Variants in CLVS1 observed in about 807,000 individuals in gnomAD.
CLVS1 encodes the protein clavesin-1.
CLVS1 carries 10 observed loss-of-function variants against 33.1 expected under a neutral mutation model. That is an observed-to-expected ratio of 0.30 (90% confidence interval 0.19 to 0.51). The LOEUF (loss-of-function observed/expected upper bound fraction) is 0.51. Among genes scored for constraint, CLVS1 ranks in the 20% least tolerant of loss-of-function variants. The pLI, the probability that CLVS1 is intolerant of heterozygous loss-of-function variation, is 0.97. For missense variants in CLVS1, 343 were observed against 433.4 expected, an observed-to-expected ratio of 0.79 and a Z score of 1.85; for synonymous variants, 163 against 166.1, an observed-to-expected ratio of 0.98 and a Z score of 0.14.
chr8:61,441,653 T>C (rs1432671206), intron 3 of CLVS1, among the ~76,000 whole-genome samples: 1 of 152,158 alleles, frequency 6.6e-6, no homozygotes, highest in African/African-American at 2.4e-5. Context: ...CAGCAGAAAC[T>C]GAGCCAACGG....
chr8:61,393,824 G>A (rs1330470481), intron 3 of CLVS1, among the ~76,000 whole-genome samples: 1 of 152,146 alleles, frequency 6.6e-6, no homozygotes, highest in African/African-American at 2.4e-5. Flanking sequence ...GGAGTGAAGT[G>A]GACTCTGTGG....
At chr8:61,271,977 C>A (rs1316344819) in intron 2 of CLVS1, among the ~76,000 whole-genome samples, 1 of 151,720 alleles carries the variant, frequency 6.6e-6, no homozygotes, top group Non-Finnish European at 1.5e-5. Flanking sequence ...TTAATTGGAG[C>A]ATTTAGTCCA....
At chr8:61,043,651 A>T in the CLVS1 span, among the ~76,000 whole-genome samples, 6 of 152,360 alleles carry the variant, frequency 3.9e-5, no homozygotes, top group East Asian at 1.2e-3. Context: ...AACAGTACAC[A>T]GTAATGATCT....
the CLVS1 span, among the ~76,000 whole-genome samples, chr8:60,968,206 A>T: frequency 6.6e-6 from 1 of 151,574 alleles, no homozygotes; most frequent in Non-Finnish European, 1.5e-5. Context: ...TGCGGGGCTG[A>T]TAGGTGTGAC....
intron 5 of CLVS1, among the ~76,000 whole-genome samples, chr8:61,496,067 A>G (rs1313627662): frequency 6.6e-6 from 1 of 152,108 alleles, no homozygotes; most frequent in African/African-American, 2.4e-5. Context: ...AGCTGAGTTG[A>G]CTGTTTAGGG....
At chr8:61,007,864 G>A in the CLVS1 span, among the ~76,000 whole-genome samples, 2 of 152,202 alleles carry the variant, frequency 1.3e-5, no homozygotes, top group Non-Finnish European at 2.9e-5. Flanking sequence ...CATGCGCTCG[G>A]AACAGGTGGG....
At chr8:61,481,224 TA>T (rs1202403304) in intron 5 of CLVS1, among the ~76,000 whole-genome samples, 3 of 152,086 alleles carry the variant, frequency 2.0e-5, no homozygotes, top group Non-Finnish European at 4.4e-5. Context: ...ATTTGGTGTA[TA>T]AAAAATAAAA....
At chr8:61,175,078 G>A (rs1331892511) in intron 2 of CLVS1, among the ~76,000 whole-genome samples, 1 of 152,180 alleles carries the variant, frequency 6.6e-6, no homozygotes, top group Non-Finnish European at 1.5e-5. Flanking sequence ...GTCATAGATA[G>A]GTGTTGTGAG....
chr8:61,392,448 C>G (rs1234128456), intron 3 of CLVS1, among the ~76,000 whole-genome samples: 1 of 152,158 alleles, frequency 6.6e-6, no homozygotes, highest in Admixed American at 6.5e-5. Context: ...GATTACAAAT[C>G]AACTATAAAT....
At position 61,300,294 on chromosome 8, in the gene CLVS1, T is replaced by C. The variant is rs775883654; in HGVS notation, c.455+12T>C. ...TGGGATCAGAGTAGGTAAATGTAGA[T>C]AGTGTCTTTACTTGGTTTTTCTTTG... On this transcript the variant is annotated intron_variant, in intron 2 of 5. Transcript: ENST00000325897. 4.4e-6 allele frequency: 7 copies of C among 1,600,102 alleles called. No individual in the cohort carries two copies. Among genetic ancestry groups the C allele is most frequent in the East Asian group, 2.2e-5 (1 of 44,712 alleles).
chr8:61,186,947 G>A (rs1807355312), intron 2 of CLVS1, among the ~76,000 whole-genome samples: 1 of 152,168 alleles, frequency 6.6e-6, no homozygotes, highest in Non-Finnish European at 1.5e-5. Flanking sequence ...TGCTAAAGGT[G>A]GGTAGGTCTG....
intron 5 of CLVS1, among the ~76,000 whole-genome samples, chr8:61,464,418 C>T (rs572922250): frequency 6.6e-6 from 1 of 152,202 alleles, no homozygotes; most frequent in Non-Finnish European, 1.5e-5. Flanking sequence ...TCCCCCAACC[C>T]CCTGTCTTTA....
intron 1 of CLVS1, among the ~76,000 whole-genome samples, chr8:61,088,025 A>G (rs974438992): frequency 2.6e-5 from 4 of 152,136 alleles, no homozygotes; most frequent in Non-Finnish European, 4.4e-5. Context: ...ACATATTAGG[A>G]TTCTACAACA....
chr8:61,030,049 G>A, the CLVS1 span, among the ~76,000 whole-genome samples: 4 of 152,172 alleles, frequency 2.6e-5, no homozygotes, highest in Admixed American at 2.0e-4. Flanking sequence ...TGGCCCAGCC[G>A]GCCTCTGCAC....
chr8:61,277,487 T>G (rs1425603806), intron 2 of CLVS1, among the ~76,000 whole-genome samples: 1 of 152,114 alleles, frequency 6.6e-6, no homozygotes, highest in Non-Finnish European at 1.5e-5. Context: ...AAGACACAGG[T>G]GAAGACAGAA....
chr8:60,988,168 A>G, the CLVS1 span, among the ~76,000 whole-genome samples: 1 of 152,330 alleles, frequency 6.6e-6, no homozygotes, highest in East Asian at 1.9e-4. Context: ...AAGACCATCC[A>G]ACACCAAAAC....
chr8:61,237,587 C>A (rs913306540), intron 2 of CLVS1, among the ~76,000 whole-genome samples: 1 of 152,116 alleles, frequency 6.6e-6, no homozygotes, highest in East Asian at 1.9e-4. Context: ...GAGCATATTG[C>A]GGTCTAGAGA....
rs184823895 is a variant in CLVS1, at chr8:61,288,190, T to C, written c.-152+52T>C. 2.3e-4 allele frequency: 103 copies of C among 456,262 alleles called. 1 individual carries two copies. The highest frequency in any genetic ancestry group is 1.8e-3 in the African/African-American group (92 of 50,156). The allele number at this position is 456,262 out of a possible 1,614,324, so 28.3% of individuals were successfully genotyped here. A position where few individuals can be genotyped will look rare whatever the true frequency, so the allele number is the denominator to read the frequency against. ...TGTATTTGCCGAGCCTCCCCGCCTT[T>C]CCCCCGCTCTTTCGATGCCATGGCT... On this transcript the variant is annotated intron_variant, in intron 1 of 5. Transcript: ENST00000325897.
rs1810370169 is a variant in CLVS1 at position 61,299,934 on chromosome 8, A to G, written c.107A>G (p.Glu36Gly). Reference sequence around the variant, plus strand: ...GCTGGACTCAGTCCAGAGACTATAGAGAAAGCTCGCCTGGAACTGAATGAA... The same window carrying G: ...GCTGGACTCAGTCCAGAGACTATAGGGAAAGCTCGCCTGGAACTGAATGAA... ...LQAGLSPETI[E>G]KARLELNENP... Residue 36 changes from glutamate to glycine, a missense_variant, in exon 2 of 6, where the codon GAG becomes GGG. Physicochemically the swap from Glu to Gly is moderately conservative, Grantham distance 98. Transcript: ENST00000325897. The G allele has an allele frequency of 1.2e-6, 2 of 1,614,040 alleles. No homozygotes were observed. The highest frequency in any genetic ancestry group is 1.7e-6 in the Non-Finnish European group (2 of 1,179,970).
Sources: allele counts gnomAD v4.1 joint callset (sites outside exome capture counted in the v4.1 genomes callset), GRCh38; gene constraint gnomAD v4.1.1; transcripts MANE v1.5; gene names NCBI Gene and HGNC (gene_info 2026-07-23, HGNC 2026-07-21).